PLEKHG2: variants seen among roughly 807,000 people sequenced by gnomAD.
The protein encoded by PLEKHG2 is pleckstrin homology domain-containing family G member 2.
PLEKHG2 carries 71 observed loss-of-function variants against 104.4 expected under a neutral mutation model. The ratio of observed to expected loss-of-function variants is 0.68; its 90% CI spans 0.56 to 0.83. The LOEUF is 0.83. Ranked by LOEUF, PLEKHG2 falls within the 40% of genes least tolerant of loss-of-function variation. PLEKHG2 has a pLI of 0.00. For synonymous variants in PLEKHG2, 728 were observed against 737.0 expected, an observed-to-expected ratio of 0.99 and a Z score of 0.20; for missense variants, 1,730 against 1,809.4, an observed-to-expected ratio of 0.96 and a Z score of 0.80.
chr19:39,425,337 T>C lies in PLEKHG2; in HGVS notation c.*43T>C. 6.3e-7 allele frequency: 1 copy of C among 1,577,866 alleles called. No homozygotes were observed. Among genetic ancestry groups the C allele is most frequent in the Non-Finnish European group, 8.6e-7 (1 of 1,165,396 alleles). On this transcript the variant is annotated 3_prime_UTR_variant, in exon 19 of 19. Transcript: ENST00000425673. ...CCCTGAAGCAAGGATTTCAGCCAGA[T>C]GCCATAGACCCTCAGAACTTGACCT...
chr19:39,414,363 G>A, intron 2 of PLEKHG2, 168 bp downstream of exon 2: 1 of 656,566 alleles, frequency 1.5e-6, no homozygotes, highest in Non-Finnish European at 2.6e-6. Context: ...GGGCAGCGCT[G>A]GGCAGAGTGG....
rs1314744010 is a variant in PLEKHG2, at chr19:39,421,061, T to C, written c.1448-14T>C. The C allele has an allele frequency of 9.9e-6, 16 of 1,614,002 alleles. No homozygotes were observed. In the South Asian group the frequency reaches 1.6e-4, roughly 17 times the overall value. The stretch of plus-strand genomic sequence containing the variant: ...GGGAGCTGGGCTCCTGACATCACTG[T>C]GTCCTCCCCGCAGAGCCGGTGAAGG... On this transcript the variant is annotated splice_polypyrimidine_tract_variant and intron_variant, in intron 14 of 18. Coordinates refer to ENST00000425673, the MANE Select transcript of PLEKHG2 (RefSeq NM_022835.3).
Position 39,427,494 on chromosome 19 carries a change from T to G in PLEKHG2, c.*2200T>G, listed in dbSNP as rs2078795613. On this transcript the variant is annotated 3_prime_UTR_variant, in exon 19 of 19. Transcript: ENST00000425673. ...GCCCACGACCACGCCCAGCTAATTT[T>G]TGTATTTTGTAGTAGAGACGGGATT... 1 of 152,088 alleles carries G rather than the reference T, an allele frequency of 6.6e-6. No homozygotes were observed. Among genetic ancestry groups the G allele is most frequent in the Non-Finnish European group, 1.5e-5 (1 of 68,056 alleles). 9.4% of individuals were successfully genotyped at this position (152,088 alleles called of 1,614,324 possible).
rs1222713549 is a variant in PLEKHG2, at chr19:39,418,927, A to G, written c.1187A>G (p.Gln396Arg). 1.2e-6 allele frequency: 2 copies of G among 1,612,258 alleles called. No individual in the cohort carries two copies. The highest frequency in any genetic ancestry group is 1.7e-6 in the Non-Finnish European group (2 of 1,179,130). The change falls in exon 11 of 19, where the codon CAA becomes CGA. Residue 396 changes from glutamine to arginine, a missense_variant. Gln to Arg is a conservative substitution (Grantham distance 43). Coordinates refer to ENST00000425673, the MANE Select transcript of PLEKHG2 (RefSeq NM_022835.3). ...KHRHLLQAKN[Q>R]EEKRLWIHCL... is the part of the protein sequence containing the mutation. ...CCAACCCACTCCTAGGCCAAGAACC[A>G]AGAAGAGAAGAGGCTGTGGATTCAC...
rs1168268181 is a variant in PLEKHG2 at position 39,417,935 on chromosome 19, G to A, written c.913G>A (p.Gly305Arg). 3.9e-6 allele frequency: 6 copies of A among 1,542,714 alleles called. No individual in the cohort carries two copies. Among genetic ancestry groups the A allele is most frequent in the Non-Finnish European group, 4.4e-6 (5 of 1,145,388 alleles). The change falls in exon 9 of 19, where the codon GGA (glycine) becomes AGA (arginine). Residue 305 changes from glycine (G) to arginine (R), a missense_variant. Transcript: ENST00000425673. ...EVQRRLGGWT[G>R]PELSAFGELV... ...GCAGCGGCGGCTGGGTGGCTGGACCGGACCAGAGCTCAGTGCTTTTGGGGA... is the reference window on the plus strand; with the variant it reads ...GCAGCGGCGGCTGGGTGGCTGGACCAGACCAGAGCTCAGTGCTTTTGGGGA...
At position 39,414,054 on chromosome 19, in the gene PLEKHG2, T is replaced by C; in HGVS notation, c.-22-11T>C. 2 of 1,535,080 alleles carry C rather than the reference T, an allele frequency of 1.3e-6. No individual in the cohort carries two copies. The highest frequency in any genetic ancestry group is 4.9e-5 in the East Asian group (2 of 40,648). On this transcript the variant is annotated splice_polypyrimidine_tract_variant and intron_variant, in intron 1 of 18. Transcript: ENST00000425673. ...GGGGTCCTGATATCCAAGAAGGGGC[T>C]CTTTCTGCAGGACTCTGCTGGGCCG...
At chr19:39,417,752 C>CTGGGGGG in intron 8 of PLEKHG2, 60 bp downstream of exon 8, 1 of 375,778 alleles carries the variant, frequency 2.7e-6, no homozygotes, top group Non-Finnish European at 3.9e-6. Flanking sequence ...GGCCTTGGGG[C>CTGGGGGG]GGGTGGGGGG....
In PLEKHG2 at chr19:39,423,213, A is replaced by G; in HGVS notation, c.2159A>G (p.Lys720Arg). The G allele has an allele frequency of 6.2e-7, 1 of 1,612,942 alleles. No homozygotes were observed. The highest frequency in any genetic ancestry group is 8.5e-7 in the Non-Finnish European group (1 of 1,179,050). Residue 720 changes from lysine (K) to arginine (R), a missense_variant, in exon 18 of 19, where the codon AAA (lysine) becomes AGA (arginine). Physicochemically the swap from Lys to Arg is conservative, Grantham distance 26. Transcript: ENST00000425673. ...RELFSGSNPG[K>R]LGEPPSGGKA... ...CTGTTTTCTGGGAGCAATCCTGGGA[A>G]ACTGGGAGAGCCGCCTTCAGGAGGC... is the stretch of plus-strand genomic sequence containing the variant.
At position 39,416,876 on chromosome 19, in the gene PLEKHG2, C is replaced by T. The variant is rs566214167; in HGVS notation, c.620C>T (p.Ser207Leu). The change falls in exon 7 of 19, where the codon TCG becomes TTG. Residue 207 changes from serine (S) to leucine (L), a missense_variant. Transcript: ENST00000425673. This position sits in a 1 kb window ranked among gnomAD's most constrained non-coding sequence, Gnocchi z 4.5. The stretch of plus-strand genomic sequence containing the variant: ...TCCCTGGCCCTGCTCCGGGAGCTGT[C>T]GTTGTCTCCGCCAGCAGCCCTGTGG... ...PSSLALLREL[S>L]LSPPAALWLQ... 10 of 1,610,736 alleles carry T rather than the reference C, an allele frequency of 6.2e-6. No individual in the cohort carries two copies. The highest frequency in any genetic ancestry group is 1.7e-5 in the Admixed American group (1 of 59,608).
rs2145995768 is a variant in PLEKHG2 at position 39,419,082 on chromosome 19, C to T, written c.1263+79C>T. 2.3e-6 allele frequency: 3 copies of T among 1,294,146 alleles called. No homozygotes were observed. In the East Asian group the frequency reaches 7.1e-5, roughly 31 times the overall value. 80.2% of individuals were successfully genotyped at this position (1,294,146 alleles called of 1,614,324 possible). A position where few individuals can be genotyped will look rare whatever the true frequency, so the allele number is the denominator to read the frequency against. On this transcript the variant is annotated intron_variant, in intron 11 of 18. Coordinates refer to ENST00000425673, the MANE Select transcript of PLEKHG2 (RefSeq NM_022835.3). ...CAATAGTACTAAGAGACGCCCCTGC[C>T]CAATGCCAGAGCAGTCTGTTATAAT... is the stretch of plus-strand genomic sequence containing the variant.
chr19:39,415,058 G>A lies in PLEKHG2; in HGVS notation c.176G>A (p.Gly59Asp), dbSNP rs1352059198. 2 of 1,593,524 alleles carry A rather than the reference G, an allele frequency of 1.3e-6. No individual in the cohort carries two copies. The highest frequency in any genetic ancestry group is 1.7e-5 in the Admixed American group (1 of 57,618). ...SGSSTSLSTVGSEGDPAPGPT... is the reference protein window; with the variant it reads ...SGSSTSLSTVDSEGDPAPGPT... ...AGCTCCACATCCCTGAGCACAGTGG[G>A]CTCTGAGGGGGATCCAGCCCCTGGG... The change falls in exon 3 of 19, where the codon GGC becomes GAC. Residue 59 changes from glycine (G) to aspartate (D), a missense_variant. Coordinates refer to ENST00000425673, the MANE Select transcript of PLEKHG2 (RefSeq NM_022835.3). This position sits in a 1 kb window ranked among gnomAD's most constrained non-coding sequence, Gnocchi z 4.6.
At chr19:39,417,229 T>G (rs2078620758) in intron 7 of PLEKHG2, among the ~76,000 whole-genome samples, 1 of 151,954 alleles carries the variant, frequency 6.6e-6, no homozygotes, top group Non-Finnish European at 1.5e-5. Flanking sequence ...CTTGGCTCAC[T>G]GCAACCTCCA....
Position 39,415,291 on chromosome 19 carries a change from G to A in PLEKHG2, c.378+31G>A. On this transcript the variant is annotated intron_variant, in intron 3 of 18. Transcript: ENST00000425673. The surrounding 1 kb of genome is among the most constrained non-coding windows in gnomAD (Gnocchi z 4.6). ...GCGGGCAGACACCAGAGGGCAGTGG[G>A]TACCCAGGCCAGCCCCTTGGCCCCC... is the stretch of plus-strand genomic sequence containing the variant. 5 of 1,605,636 alleles carry A rather than the reference G, an allele frequency of 3.1e-6. No homozygotes were observed. Among genetic ancestry groups the A allele is most frequent in the Non-Finnish European group, 4.3e-6 (5 of 1,175,796 alleles).
intron 11 of PLEKHG2, among the ~76,000 whole-genome samples, chr19:39,420,093 T>C (rs929195320): frequency 6.7e-6 from 1 of 149,984 alleles, no homozygotes; most frequent in African/African-American, 2.5e-5. Flanking sequence ...GACGTGGTGG[T>C]TCACGCCTGT....
Position 39,424,142 on chromosome 19 carries a change from C to T in PLEKHG2, c.3009C>T (p.Ala1003=), listed in dbSNP as rs138826809. 1.6e-4 allele frequency: 253 copies of T among 1,614,060 alleles called. No homozygotes were observed. The highest frequency in any genetic ancestry group is 1.7e-4 in the Admixed American group (10 of 59,998). Residue 1003 remains alanine, a synonymous_variant, in exon 19 of 19, where the codon GCC becomes GCT. Coordinates refer to ENST00000425673, the MANE Select transcript of PLEKHG2 (RefSeq NM_022835.3). ...SHMVIPAPST[A]FCPEQGHCAD... is the part of the protein sequence containing the mutation. ...TGGTTATACCAGCTCCATCCACCGC[C>T]TTTTGTCCTGAGCAGGGACACTGTG...
At position 39,417,918 on chromosome 19, in the gene PLEKHG2, G is replaced by T; in HGVS notation, c.896G>T (p.Arg299Leu). Reference protein sequence around the residue: ...HAARLQEVQRRLGGWTGPELS... With the variant: ...HAARLQEVQRLLGGWTGPELS... ...GGGTCCCGGCAGGAAGTGCAGCGGCGGCTGGGTGGCTGGACCGGACCAGAG... is the reference window on the plus strand; with the variant it reads ...GGGTCCCGGCAGGAAGTGCAGCGGCTGCTGGGTGGCTGGACCGGACCAGAG... Residue 299 changes from arginine to leucine, a missense_variant, in exon 9 of 19, where the codon CGG (arginine) becomes CTG (leucine). Coordinates refer to ENST00000425673, the MANE Select transcript of PLEKHG2 (RefSeq NM_022835.3). 6.5e-7 allele frequency: 1 copy of T among 1,541,584 alleles called. No individual in the cohort carries two copies. The highest frequency in any genetic ancestry group is 8.7e-7 in the Non-Finnish European group (1 of 1,145,332).
rs775356001 is a variant in PLEKHG2 at position 39,424,147 on chromosome 19, G to A, written c.3014G>A (p.Cys1005Tyr). 1 of 1,614,048 alleles carries A rather than the reference G, an allele frequency of 6.2e-7. No homozygotes were observed. Residue 1005 changes from cysteine (C) to tyrosine (Y), a missense_variant, in exon 19 of 19, where the codon TGT (cysteine) becomes TAT (tyrosine). Physicochemically the swap from Cys to Tyr is radical, Grantham distance 194 (BLOSUM62 -2). Transcript: ENST00000425673. ...ATACCAGCTCCATCCACCGCCTTTT[G>A]TCCTGAGCAGGGACACTGTGCGGAC... ...MVIPAPSTAF[C>Y]PEQGHCADIH...
In PLEKHG2 at chr19:39,425,031, G is replaced by T. The variant is rs745829422; in HGVS notation, c.3898G>T (p.Ala1300Ser). ...TCGGCGGCAGGGGCCTGGGGGAGGG[G>T]CCCCCGCAGCCTCCCGGGGCTCCTG... ...LARRQGPGGG[A>S]PAASRGSWSS... Residue 1300 changes from alanine to serine, a missense_variant, in exon 19 of 19, where the codon GCC (alanine) becomes TCC (serine). By Grantham distance (99) the Ala-to-Ser change is moderately conservative (BLOSUM62 1). Coordinates refer to ENST00000425673, the MANE Select transcript of PLEKHG2 (RefSeq NM_022835.3). 3 of 1,599,132 alleles carry T rather than the reference G, an allele frequency of 1.9e-6. No homozygotes were observed. Among genetic ancestry groups the T allele is most frequent in the Non-Finnish European group, 2.6e-6 (3 of 1,172,850 alleles).
At position 39,417,888 on chromosome 19, in the gene PLEKHG2, T is replaced by C; in HGVS notation, c.883-17T>C. The stretch of plus-strand genomic sequence containing the variant: ...GCTTGTCTCTGCGCCCCGGCGCACC[T>C]GGCGGGGTCCCGGCAGGAAGTGCAG... On this transcript the variant is annotated splice_polypyrimidine_tract_variant and intron_variant, in intron 8 of 18. Transcript: ENST00000425673. 6.5e-7 allele frequency: 1 copy of C among 1,533,308 alleles called. No homozygotes were observed. 95.0% of individuals were successfully genotyped at this position (1,533,308 alleles called of 1,614,324 possible).
Sources: allele counts gnomAD v4.1 joint callset (sites outside exome capture counted in the v4.1 genomes callset), GRCh38; gene constraint gnomAD v4.1.1; non-coding constraint Gnocchi (gnomAD v3.1); transcripts MANE v1.5; gene names NCBI Gene and HGNC (gene_info 2026-07-23, HGNC 2026-07-21).